Variants in DGKB observed in about 807,000 individuals in gnomAD.
DGKB encodes diacylglycerol kinase beta.
In DGKB, 67 loss-of-function variants were observed where a neutral mutation model predicts 114.3. That is an observed-to-expected ratio of 0.59 (90% CI 0.48 to 0.72). The LOEUF is 0.72. DGKB is among the 30% of genes least tolerant of loss of function. The pLI is 0.00. For synonymous variants in DGKB, 398 were observed against 323.1 expected (o/e 1.23, Z -2.49); for missense variants, 907 against 975.2 (o/e 0.93, Z 0.93).
chr7:14,861,669 C>A (rs903342618), intron 1 of DGKB, among the ~76,000 whole-genome samples: 1 of 150,232 alleles, frequency 6.7e-6, no homozygotes, highest in Non-Finnish European at 1.5e-5. Flanking sequence ...AGTTTTACCA[C>A]CTATTATGGC....
chr7:14,180,824 C>T (rs1466437188), intron 23 of DGKB, among the ~76,000 whole-genome samples: 1 of 152,072 alleles, frequency 6.6e-6, no homozygotes, highest in Admixed American at 6.6e-5. Context: ...TATGTGGTAT[C>T]CTTTGGAACA....
At chr7:14,912,520 A>G (rs1307908642) in intron 1 of DGKB, among the ~76,000 whole-genome samples, 2 of 152,140 alleles carry the variant, frequency 1.3e-5, no homozygotes. Flanking sequence ...TGAGACAAGC[A>G]CCTGGAGGAC....
chr7:14,231,137 TTC>T (rs1328748770), intron 23 of DGKB, among the ~76,000 whole-genome samples: 4 of 144,166 alleles, frequency 2.8e-5, no homozygotes, highest in African/African-American at 7.8e-5. Context: ...CTTTCTTTCT[TTC>T]TTTCTTTTTC....
intron 2 of DGKB, 54 bp downstream of exon 2, chr7:14,841,140 A>G (rs1847875557): frequency 3.5e-6 from 5 of 1,430,000 alleles, no homozygotes; most frequent in Non-Finnish European, 4.8e-6. Context: ...AATAAATGAT[A>G]CTTTGTCTAG....
At chr7:14,237,370 T>A (rs1268911808) in intron 23 of DGKB, among the ~76,000 whole-genome samples, 1 of 151,910 alleles carries the variant, frequency 6.6e-6, no homozygotes, top group Non-Finnish European at 1.5e-5. Context: ...TACTTTTGAC[T>A]TCCTTCTGGT....
In DGKB at chr7:14,613,381, TAAAAGTGG is replaced by T; in HGVS notation, c.1309_1316del (p.Pro437SerfsTer45). On this transcript the variant is annotated frameshift_variant, in exon 16 of 26. Transcript: ENST00000402815. LOFTEE classifies it high-confidence loss of function. ...CACCACTTTTGGGGTTCACAAAAAC[TAAAAGTGG>T]GTGAGTACCAGGCACAGGAGTGACC... 6.4e-7 allele frequency: 1 copy of T among 1,570,516 alleles called. No individual in the cohort carries two copies. The highest frequency in any genetic ancestry group is 8.7e-7 in the Non-Finnish European group (1 of 1,156,000).
At chr7:14,950,161 C>T (rs1786108908) in intron 1 of DGKB, among the ~76,000 whole-genome samples, 1 of 151,722 alleles carries the variant, frequency 6.6e-6, no homozygotes, top group South Asian at 2.1e-4. Flanking sequence ...ATCCAACATG[C>T]TGGGATTACA....
chr7:14,153,833 CA>C (rs1164370877), intron 25 of DGKB, among the ~76,000 whole-genome samples: 1 of 151,976 alleles, frequency 6.6e-6, no homozygotes, highest in Non-Finnish European at 1.5e-5. Context: ...CGCTAGAAGA[CA>C]ATGAAGAAAC....
intron 2 of DGKB, among the ~76,000 whole-genome samples, chr7:14,780,119 G>A (rs184472308): frequency 3.3e-5 from 5 of 152,270 alleles, no homozygotes; most frequent in Admixed American, 3.3e-4. Context: ...TGTGCCTTCT[G>A]CATGCTTTCT....
chr7:14,259,339 G>A (rs770770877), intron 23 of DGKB, among the ~76,000 whole-genome samples: 41 of 151,276 alleles, frequency 2.7e-4, no homozygotes, highest in Middle Eastern at 3.4e-3. Flanking sequence ...TAAATCTTTC[G>A]TGTTCATTCA....
intron 2 of DGKB, among the ~76,000 whole-genome samples, chr7:14,807,021 A>G (rs6948538): frequency 0.65 from 98,942 of 151,654 alleles, 32,783 homozygotes; most frequent in African/African-American, 0.76. Flanking sequence ...TCCTGTTGTC[A>G]GAAGGAGAGA....
At chr7:14,562,348 AGCCCCTACACAGAGTCCCCAC>A (rs1796787035) in intron 20 of DGKB, among the ~76,000 whole-genome samples, 1 of 152,158 alleles carries the variant, frequency 6.6e-6, no homozygotes, top group Non-Finnish European at 1.5e-5. Context: ...GTGGGGTTGG[AGCCCCTACACAGAGTCCCCAC>A]TGGGACACTG....
intron 3 of DGKB, among the ~76,000 whole-genome samples, chr7:14,756,386 T>C (rs1834871314): frequency 6.6e-6 from 1 of 151,970 alleles, no homozygotes; most frequent in South Asian, 2.1e-4. Context: ...CTATGGCATC[T>C]AGAAAAATAC....
intron 20 of DGKB, among the ~76,000 whole-genome samples, chr7:14,485,125 C>CAA (rs1783594893): frequency 6.7e-6 from 1 of 149,876 alleles, no homozygotes. Flanking sequence ...CACACACACA[C>CAA]ACACACACAC....
chr7:14,412,463 A>G (rs1009854237), intron 21 of DGKB, among the ~76,000 whole-genome samples: 4 of 152,180 alleles, frequency 2.6e-5, no homozygotes, highest in Admixed American at 6.5e-5. Flanking sequence ...CAAGACATAC[A>G]TAGCAAAAAG....
At chr7:14,203,991 T>C (rs1476910674) in intron 23 of DGKB, among the ~76,000 whole-genome samples, 2 of 151,942 alleles carry the variant, frequency 1.3e-5, no homozygotes, top group Non-Finnish European at 2.9e-5. Context: ...AGCGAATTAA[T>C]TGCAGGATAT....
At position 14,259,571 on chromosome 7, in the gene DGKB, C is replaced by T. The variant is rs6946294; in HGVS notation, c.2122+78944G>A. On this transcript the variant is annotated intron_variant, in intron 23 of 25. Transcript: ENST00000402815. ...CCTCCCATGTAGCTGGGATTATAGGCGTGAGCCACCACATCCGGCTAATTT... is the reference window on the plus strand; with the variant it reads ...CCTCCCATGTAGCTGGGATTATAGGTGTGAGCCACCACATCCGGCTAATTT... Among the ~76,000 whole-genome samples the T allele has an allele frequency of 6.7e-3, 1,024 of 152,208 alleles. 8 individuals are homozygous for T. The highest frequency in any genetic ancestry group is 0.023 in the African/African-American group (974 of 41,526).
chr7:14,630,135 A>C, intron 14 of DGKB, 101 bp downstream of exon 14: 1 of 641,170 alleles, frequency 1.6e-6, no homozygotes, highest in Non-Finnish European at 2.5e-6. Flanking sequence ...ACATGCTGGT[A>C]TTCGAATGTC....
rs184814580 is a variant in DGKB at position 14,597,519 on chromosome 7, A to T, written c.1433+9915T>A. Among the ~76,000 whole-genome samples the T allele has an allele frequency of 5.9e-5, 9 of 152,202 alleles. No homozygotes were observed. In the East Asian group the frequency reaches 1.7e-3, roughly 29 times the overall value. On this transcript the variant is annotated intron_variant, in intron 17 of 25. Coordinates refer to ENST00000402815, the MANE Select transcript of DGKB (RefSeq NM_001350709.2). ...TTTCGGAGTGTGTTTATTAGGCTAA[A>T]CTTGTCTTGATTACGAAGAACACTG... is the stretch of plus-strand genomic sequence containing the variant.
Sources: gnomAD v4.1 joint callset for allele counts (sites outside exome capture counted in the v4.1 genomes callset) on GRCh38, gnomAD v4.1.1 for gene constraint, MANE v1.5 for transcripts, NCBI Gene and HGNC (gene_info 2026-07-23, HGNC 2026-07-21) for gene names.